IL2RB: variants seen among roughly 807,000 people sequenced by gnomAD.
IL2RB encodes interleukin-2 receptor subunit beta.
A neutral mutation model predicts 44.2 loss-of-function variants in IL2RB; 17 were observed. The ratio of observed to expected loss-of-function variants is 0.38; its 90% CI spans 0.26 to 0.58. The LOEUF is 0.58. Among genes scored for constraint, IL2RB ranks in the 20% least tolerant of loss-of-function variants. The probability of loss-of-function intolerance (pLI) is 0.63; values close to 1 mark genes in which losing one functional copy is unlikely to be tolerated. For synonymous variants in IL2RB, 286 were observed against 297.9 expected, an observed-to-expected ratio of 0.96 and a Z score of 0.41; for missense variants, 624 against 685.5, an observed-to-expected ratio of 0.91 and a Z score of 1.00.
intron 1 of IL2RB, among the ~76,000 whole-genome samples, chr22:37,161,069 G>A (rs891410231): frequency 6.6e-6 from 1 of 152,240 alleles, no homozygotes; most frequent in Non-Finnish European, 1.5e-5. Flanking sequence ...TGAACCCCGG[G>A]AGGTGGAGGT....
chr22:37,131,666 T>A (rs940029906), intron 9 of IL2RB, among the ~76,000 whole-genome samples: 1 of 151,560 alleles, frequency 6.6e-6, no homozygotes, highest in East Asian at 1.9e-4. Context: ...GCACAGACAG[T>A]GGGGTGGAGA....
intron 1 of IL2RB, among the ~76,000 whole-genome samples, chr22:37,163,748 A>G (rs1302710145): frequency 1.3e-5 from 2 of 152,222 alleles, no homozygotes; most frequent in Non-Finnish European, 1.5e-5. Context: ...GCTCGTCTCC[A>G]CCACCCACAT....
intron 7 of IL2RB, 119 bp from the exon 8 acceptor site, chr22:37,135,561 G>A (rs1601597671): frequency 4.6e-6 from 3 of 645,678 alleles, no homozygotes; most frequent in East Asian, 2.6e-5. Flanking sequence ...GCGTCTGGGG[G>A]GCTGGGGACA....
intron 9 of IL2RB, among the ~76,000 whole-genome samples, chr22:37,129,734 G>A (rs1470578703): frequency 1.3e-5 from 2 of 152,354 alleles, no homozygotes; most frequent in East Asian, 1.9e-4. Flanking sequence ...CACCCAAAAC[G>A]GGTAAGACAC....
chr22:37,129,504 G>C (rs983999230), intron 9 of IL2RB, among the ~76,000 whole-genome samples: 3 of 121,114 alleles, frequency 2.5e-5, no homozygotes, highest in East Asian at 5.6e-4. Flanking sequence ...GTGCCCATCA[G>C]AGCACTTCTC....
Position 37,149,853 on chromosome 22 carries a change from C to G in IL2RB, c.-62G>C, listed in dbSNP as rs544580076. On this transcript the variant is annotated 5_prime_UTR_variant, in exon 1 of 10. Coordinates refer to ENST00000216223, the MANE Select transcript of IL2RB (RefSeq NM_000878.5). Reference sequence around the variant, plus strand: ...GCTGAGACATGGGGCGGTGGCAGCGCGCGCTCTCCAGTCCTCCCCGGTGCT... The same window carrying G: ...GCTGAGACATGGGGCGGTGGCAGCGGGCGCTCTCCAGTCCTCCCCGGTGCT... The G allele has an allele frequency of 1.0e-6, 1 of 985,564 alleles. No individual in the cohort carries two copies. Among genetic ancestry groups the G allele is most frequent in the Non-Finnish European group, 1.2e-6 (1 of 830,218 alleles). 61.1% of individuals were successfully genotyped at this position (985,564 alleles called of 1,614,324 possible). A position where few individuals can be genotyped will look rare whatever the true frequency, so the allele number is the denominator to read the frequency against.
At chr22:37,143,750 T>C (rs1601603208) in intron 2 of IL2RB, 115 bp from the exon 3 acceptor site, 3 of 767,782 alleles carry the variant, frequency 3.9e-6, no homozygotes, top group South Asian at 3.1e-5. Flanking sequence ...GGTGGGTAAC[T>C]CTGGCAAGCG....
In IL2RB at chr22:37,137,728, C is replaced by T; in HGVS notation, c.396G>A (p.Leu132=). 6.2e-7 allele frequency: 1 copy of T among 1,613,892 alleles called. No homozygotes were observed. Among genetic ancestry groups the T allele is most frequent in the Non-Finnish European group, 8.5e-7 (1 of 1,179,852 alleles). Residue 132 remains leucine (L), a synonymous_variant, in exon 6 of 10, where the codon CTG becomes CTA. Coordinates refer to ENST00000216223, the MANE Select transcript of IL2RB (RefSeq NM_000878.5). ...CAACTTGGAGGGAGATGGGGGCCAT[C>T]AGGCGAACTGGAGACAACAGGGGGT... is the stretch of plus-strand genomic sequence containing the variant. ...QDFKPFENLR[L]MAPISLQVVH... is the part of the protein sequence containing the mutation.
intron 9 of IL2RB, among the ~76,000 whole-genome samples, chr22:37,129,090 C>G (rs1267539799): frequency 6.6e-6 from 1 of 152,246 alleles, no homozygotes; most frequent in Non-Finnish European, 1.5e-5. Context: ...ACAGGCCTGC[C>G]TGGCTGCCAG....
intron 1 of IL2RB, among the ~76,000 whole-genome samples, chr22:37,165,796 C>T (rs971769099): frequency 3.3e-5 from 5 of 151,932 alleles, no homozygotes; most frequent in South Asian, 4.1e-4. Context: ...AGGACAGAGG[C>T]GGGGAGGACA....
chr22:37,136,474 C>T (rs3218296), intron 6 of IL2RB, 81 bp from the exon 7 acceptor site: 223,679 of 1,423,800 alleles, frequency 0.16, 19,191 homozygotes, highest in South Asian at 0.28. Context: ...GAACCCCCCC[C>T]CAACCCCTGC....
At chr22:37,168,547 A>T (rs1314151783) in intron 1 of IL2RB, among the ~76,000 whole-genome samples, 1 of 152,194 alleles carries the variant, frequency 6.6e-6, no homozygotes, top group South Asian at 2.1e-4. Flanking sequence ...TCTGCATCTG[A>T]AACATGCGAC....
intron 1 of IL2RB, among the ~76,000 whole-genome samples, chr22:37,148,819 G>C (rs1601606218): frequency 6.6e-6 from 1 of 152,190 alleles, no homozygotes; most frequent in East Asian, 1.9e-4. Flanking sequence ...TGCAGTTCGG[G>C]GCCCCTGCTG....
In IL2RB at chr22:37,128,420, G is replaced by A. The variant is rs375951025; in HGVS notation, c.1332C>T (p.Ala444=). ...CTTCACCGGCCCCACTGCCCCCAGG[G>A]GCAGTGCTTGGGGGGCTGGGGCCAC... The part of the protein sequence containing the change: ...LLGGPSPPST[A]PGGSGAGEER... Residue 444 remains alanine, a synonymous_variant, in exon 10 of 10, where the codon GCC becomes GCT. Coordinates refer to ENST00000216223, the MANE Select transcript of IL2RB (RefSeq NM_000878.5). This position sits in a 1 kb window ranked among gnomAD's most constrained non-coding sequence, Gnocchi z 4.5. 32 of 1,523,416 alleles carry A rather than the reference G, an allele frequency of 2.1e-5. 1 individual carries two copies. In the East Asian group the frequency reaches 2.7e-4, roughly 13 times the overall value. The allele number at this position is 1,523,416 out of a possible 1,614,324, so 94.4% of individuals were successfully genotyped here. A position where few individuals can be genotyped will look rare whatever the true frequency, so the allele number is the denominator to read the frequency against.
chr22:37,139,513 C>T (rs1921863363), intron 4 of IL2RB, among the ~76,000 whole-genome samples: 1 of 152,154 alleles, frequency 6.6e-6, no homozygotes, highest in African/African-American at 2.4e-5. Flanking sequence ...TTTAGAAACA[C>T]AGGCAGTGGG....
At chr22:37,172,905 C>T (rs1022918465) in intron 1 of IL2RB, among the ~76,000 whole-genome samples, 2 of 152,126 alleles carry the variant, frequency 1.3e-5, no homozygotes, top group Non-Finnish European at 2.9e-5. Context: ...TGAGAACCAC[C>T]GAAAGAGCTA....
chr22:37,144,134 G>C lies in IL2RB; in HGVS notation c.39C>G (p.Leu13=), dbSNP rs1386050348. ...APALSWRLPL[L]ILLLPLATSW... is the part of the protein sequence containing the mutation. The stretch of plus-strand genomic sequence containing the variant: ...AGGTAGCCAGGGGCAGGAGGAGGAT[G>C]AGGAGGGGCAGACGCCAGGACAGAG... Residue 13 remains leucine, a synonymous_variant, in exon 2 of 10, where the codon CTC becomes CTG. Transcript: ENST00000216223. 6.4e-7 allele frequency: 1 copy of C among 1,552,358 alleles called. No homozygotes were observed. The highest frequency in any genetic ancestry group is 8.7e-7 in the Non-Finnish European group (1 of 1,147,266).
At chr22:37,129,313 G>A (rs1476264982) in intron 9 of IL2RB, among the ~76,000 whole-genome samples, 3 of 152,240 alleles carry the variant, frequency 2.0e-5, no homozygotes, top group South Asian at 2.1e-4. Flanking sequence ...GCCCAGAGAC[G>A]GGACATGCCC....
chr22:37,165,907 T>C (rs1021497605), intron 1 of IL2RB, among the ~76,000 whole-genome samples: 1 of 152,032 alleles, frequency 6.6e-6, no homozygotes, highest in Admixed American at 6.5e-5. Context: ...AGGGCCAGAC[T>C]CCCCTGAATT....
Sources: gnomAD v4.1 joint callset for allele counts (sites outside exome capture counted in the v4.1 genomes callset) on GRCh38, gnomAD v4.1.1 for gene constraint, Gnocchi (gnomAD v3.1) non-coding constraint, MANE v1.5 for transcripts, NCBI Gene and HGNC (gene_info 2026-07-23, HGNC 2026-07-21) for gene names.